DPF3: variants seen among roughly 807,000 people sequenced by gnomAD.
The protein encoded by DPF3 is zinc finger protein DPF3.
In DPF3, 18 loss-of-function variants were observed where a neutral mutation model predicts 56.8. That is an observed-to-expected ratio of 0.32 (90% CI 0.22 to 0.47). The LOEUF is 0.47. Ranked by LOEUF, DPF3 falls within the 20% of genes least tolerant of loss-of-function variation. The pLI, the probability that DPF3 is intolerant of heterozygous loss-of-function variation, is 1.00. For synonymous variants in DPF3, 188 were observed against 180.2 expected, an observed-to-expected ratio of 1.04 and a Z score of -0.35; for missense variants, 403 against 488.8, an observed-to-expected ratio of 0.82 and a Z score of 1.65.
rs1250290583 is a variant in DPF3, at chr14:72,620,017, G to A, written c.985-33C>T. On this transcript the variant is annotated intron_variant, in intron 9 of 10. Transcript: ENST00000556509. ...AACACAGAGTAAGCACAGAGGAGGA[G>A]AGATTCCATTATTCGGGGCCAATGT... The A allele has an allele frequency of 4.0e-6, 6 of 1,508,594 alleles. No homozygotes were observed. In the African/African-American group the frequency reaches 5.6e-5, roughly 14 times the overall value. The allele number at this position is 1,508,594 out of a possible 1,614,324, so 93.5% of individuals were successfully genotyped here.
intron 4 of DPF3, among the ~76,000 whole-genome samples, chr14:72,726,798 T>A (rs1193305519): frequency 6.6e-6 from 1 of 152,188 alleles, no homozygotes; most frequent in Non-Finnish European, 1.5e-5. Context: ...TTTCTCCCTG[T>A]TACTCTAAAC....
chr14:72,692,551 C>G (rs2153572968), intron 7 of DPF3, among the ~76,000 whole-genome samples: 1 of 152,338 alleles, frequency 6.6e-6, no homozygotes, highest in South Asian at 2.1e-4. Flanking sequence ...AATGCTGAAG[C>G]AAAGAACATG....
intron 1 of DPF3, chr14:72,835,975 C>T: frequency 1.1e-6 from 1 of 889,454 alleles, no homozygotes; most frequent in Non-Finnish European, 1.3e-6. Flanking sequence ...GTTCAAGATA[C>T]ACCCGCCGGA....
chr14:72,666,168 G>A (rs892527326), intron 8 of DPF3, among the ~76,000 whole-genome samples: 4 of 152,126 alleles, frequency 2.6e-5, no homozygotes, highest in African/African-American at 7.2e-5. Flanking sequence ...TTTGTGACCA[G>A]GGCCCAAAAT....
At position 72,850,832 on chromosome 14, in the gene DPF3, T is replaced by G. The variant is rs146267381; in HGVS notation, c.32+43225A>C. On this transcript the variant is annotated intron_variant, in intron 1 of 10. Coordinates refer to ENST00000556509, the MANE Select transcript of DPF3 (RefSeq NM_001280542.3). ...ATGTGTGTGTGTGTGCGCACGCGCATGTGTGTACCCATGTGAACTCGCTCA... is the reference window on the plus strand; with the variant it reads ...ATGTGTGTGTGTGTGCGCACGCGCAGGTGTGTACCCATGTGAACTCGCTCA... 3.0e-3 allele frequency among the ~76,000 whole-genome samples: 453 copies of G among 152,056 alleles called. 4 individuals are homozygous for G. The highest frequency in any genetic ancestry group is 0.01 in the African/African-American group (433 of 41,494).
rs565964082 is a variant in DPF3 at position 72,731,546 on chromosome 14, C to T, written c.429+261G>A. On this transcript the variant is annotated intron_variant, in intron 4 of 10. Transcript: ENST00000556509. ...TGGGACCCTGCACAGTCCCTGTGTT[C>T]ACTAGGCTCAACAAATTCACTTTGC... is the stretch of plus-strand genomic sequence containing the variant. 534 of 456,180 alleles carry T rather than the reference C, an allele frequency of 1.2e-3. 1 individual carries two copies. Among genetic ancestry groups the T allele is most frequent in the Non-Finnish European group, 1.6e-3 (399 of 247,492 alleles). The allele number at this position is 456,180 out of a possible 1,614,324, so 28.3% of individuals were successfully genotyped here. A position where few individuals can be genotyped will look rare whatever the true frequency, so the allele number is the denominator to read the frequency against.
intron 1 of DPF3, among the ~76,000 whole-genome samples, chr14:72,800,137 A>C (rs563742827): frequency 6.6e-6 from 1 of 152,272 alleles, no homozygotes; most frequent in East Asian, 1.9e-4. Flanking sequence ...CCCCATCCAA[A>C]TACCTCTAGG....
intron 7 of DPF3, among the ~76,000 whole-genome samples, chr14:72,686,058 C>G (rs1192005450): frequency 1.3e-5 from 2 of 152,238 alleles, no homozygotes; most frequent in African/African-American, 2.4e-5. Flanking sequence ...CTCCCAACAA[C>G]TGGGTGCATG....
intron 1 of DPF3, among the ~76,000 whole-genome samples, chr14:72,823,873 T>C (rs1310392981): frequency 6.6e-6 from 1 of 152,196 alleles, no homozygotes; most frequent in Non-Finnish European, 1.5e-5. Flanking sequence ...GGCTGATCTA[T>C]GCTTAGGGAG....
intron 8 of DPF3, among the ~76,000 whole-genome samples, chr14:72,637,913 A>G (rs1471672435): frequency 1.3e-5 from 2 of 152,208 alleles, no homozygotes; most frequent in African/African-American, 4.8e-5. Flanking sequence ...CGACACAACA[A>G]AAGATGGCCA....
chr14:72,865,916 G>A (rs186343895), intron 1 of DPF3, among the ~76,000 whole-genome samples: 1 of 152,164 alleles, frequency 6.6e-6, no homozygotes, highest in East Asian at 1.9e-4. Context: ...GTGTGGTGAT[G>A]TGCACCTGTA....
At chr14:72,632,421 A>C (rs1252402722) in intron 8 of DPF3, among the ~76,000 whole-genome samples, 1 of 152,194 alleles carries the variant, frequency 6.6e-6, no homozygotes, top group Non-Finnish European at 1.5e-5. Flanking sequence ...GAGAAAACTG[A>C]GTGACGAGCT....
At chr14:72,804,693 G>GC (rs1893020821) in intron 1 of DPF3, among the ~76,000 whole-genome samples, 1 of 152,112 alleles carries the variant, frequency 6.6e-6, no homozygotes, top group Non-Finnish European at 1.5e-5. Context: ...CACTGCTAGG[G>GC]TATGACACAT....
At chr14:72,837,265 A>G (rs1037140206) in intron 1 of DPF3, among the ~76,000 whole-genome samples, 3 of 152,186 alleles carry the variant, frequency 2.0e-5, no homozygotes, top group Non-Finnish European at 4.4e-5. Flanking sequence ...AGGAAGGCAA[A>G]GAAAGAAAGA....
chr14:72,723,715 T>A lies in DPF3; in HGVS notation c.443A>T (p.Asn148Ile), dbSNP rs1049891810. 6.3e-7 allele frequency: 1 copy of A among 1,578,598 alleles called. No individual in the cohort carries two copies. The highest frequency in any genetic ancestry group is 8.6e-7 in the Non-Finnish European group (1 of 1,169,442). Reference protein sequence around the residue: ...SIQEIQRVLENDENVEEGNEE... With the variant: ...SIQEIQRVLEIDENVEEGNEE... ...ATTCCCTTCTTCTACATTTTCATCA[T>A]TTTCCAAAACCCTCTGAAATGAAAA... is the stretch of plus-strand genomic sequence containing the variant. The change falls in exon 5 of 11, where the codon AAT (asparagine) becomes ATT (isoleucine). Residue 148 changes from asparagine to isoleucine, a missense_variant. Coordinates refer to ENST00000556509, the MANE Select transcript of DPF3 (RefSeq NM_001280542.3).
chr14:72,777,723 G>A (rs1026201004), intron 1 of DPF3, among the ~76,000 whole-genome samples: 2 of 152,026 alleles, frequency 1.3e-5, no homozygotes, highest in African/African-American at 2.4e-5. Context: ...AGTGTATGGT[G>A]CCTCCCTGCT....
intron 1 of DPF3, among the ~76,000 whole-genome samples, chr14:72,804,431 CA>C (rs1893010172): frequency 6.6e-6 from 1 of 152,160 alleles, no homozygotes; most frequent in Non-Finnish European, 1.5e-5. Flanking sequence ...CAAACAACAA[CA>C]AAAACAACAA....
chr14:72,746,659 C>A (rs1890335709), intron 3 of DPF3, among the ~76,000 whole-genome samples: 1 of 152,246 alleles, frequency 6.6e-6, no homozygotes, highest in African/African-American at 2.4e-5. Flanking sequence ...AACTTTTCCC[C>A]CGAGGGCGGA....
intron 8 of DPF3, among the ~76,000 whole-genome samples, chr14:72,646,934 T>C (rs1408129237): frequency 6.6e-6 from 1 of 152,218 alleles, no homozygotes; most frequent in African/African-American, 2.4e-5. Context: ...GCTAGTGCCC[T>C]GAGGGGGCTC....
Sources: allele counts gnomAD v4.1 joint callset (sites outside exome capture counted in the v4.1 genomes callset), GRCh38; gene constraint gnomAD v4.1.1; transcripts MANE v1.5; gene names NCBI Gene and HGNC (gene_info 2026-07-23, HGNC 2026-07-21).